P2RY8: variants seen among roughly 807,000 people sequenced by gnomAD.
P2RY8 encodes S-geranylgeranyl-glutathione receptor P2RY8.
Under a neutral mutation model 10.0 loss-of-function variants are expected in P2RY8, and 6 were observed. That is an observed-to-expected ratio of 0.60 (90% CI 0.33 to 1.19). P2RY8 has a LOEUF of 1.19. P2RY8 is among the 50% of genes most tolerant of loss of function. The pLI, the probability that P2RY8 is intolerant of heterozygous loss-of-function variation, is 0.04. For missense variants in P2RY8, 456 were observed against 542.0 expected, an observed-to-expected ratio of 0.84 and a Z score of 1.58; for synonymous variants, 276 against 252.5, an observed-to-expected ratio of 1.09 and a Z score of -0.88.
chrX:1,479,793 T>G (rs2091914402), intron 1 of P2RY8, among the ~76,000 whole-genome samples: 1 of 152,104 alleles, frequency 6.6e-6, no homozygotes, highest in Non-Finnish European at 1.5e-5. Context: ...TTACTAATAC[T>G]GTAAATGAAA....
intron 1 of P2RY8, among the ~76,000 whole-genome samples, chrX:1,508,024 G>A (rs1242198017): frequency 3.9e-5 from 6 of 152,066 alleles, no homozygotes; most frequent in Non-Finnish European, 8.8e-5. Flanking sequence ...CCCGTATGGC[G>A]TGTGCCTGAT....
Position 1,509,722 on chromosome X carries a change from C to CATCTATGTATCT in P2RY8, c.-25+27187_-25+27198dup, listed in dbSNP as rs1234847267. 9.2e-3 allele frequency among the ~76,000 whole-genome samples: 534 copies of CATCTATGTATCT among 58,174 alleles called. 13 individuals are homozygous for CATCTATGTATCT. Among genetic ancestry groups the CATCTATGTATCT allele is most frequent in the Middle Eastern group, 0.019 (2 of 104 alleles). The allele number at this position is 58,174 out of a possible 152,430, so 38.2% of individuals were successfully genotyped here. On this transcript the variant is annotated intron_variant, in intron 1 of 1. Coordinates refer to ENST00000381297, the MANE Select transcript of P2RY8 (RefSeq NM_178129.5). Reference sequence around the variant, plus strand: ...CATCCATCCATTTATTCTATCTATGCATCTATGTATCTATCTATGTATCTA... The same window carrying CATCTATGTATCT: ...CATCCATCCATTTATTCTATCTATGCATCTATGTATCTATCTATGTATCTATCTATGTATCTA...
At chrX:1,482,322 G>T (rs2091944303) in intron 1 of P2RY8, among the ~76,000 whole-genome samples, 1 of 151,240 alleles carries the variant, frequency 6.6e-6, no homozygotes, top group Admixed American at 6.6e-5. Context: ...CAAAGTGGTT[G>T]AGTGTGTGGC....
chrX:1,532,569 GA>G (rs1168350360), intron 1 of P2RY8, among the ~76,000 whole-genome samples: 1 of 151,778 alleles, frequency 6.6e-6, no homozygotes, highest in Non-Finnish European at 1.5e-5. Context: ...ACTCAGTCAT[GA>G]AAAAGAATAG....
chrX:1,524,538 C>T (rs1328086739), intron 1 of P2RY8, among the ~76,000 whole-genome samples: 1 of 124,704 alleles, frequency 8.0e-6, no homozygotes, highest in African/African-American at 3.0e-5. Flanking sequence ...TTCATCCATC[C>T]ATCCATCCAT....
intron 1 of P2RY8, among the ~76,000 whole-genome samples, chrX:1,502,202 C>T (rs1482945124): frequency 4.6e-5 from 7 of 152,192 alleles, no homozygotes; most frequent in Non-Finnish European, 7.3e-5. Flanking sequence ...TGAGCCACCA[C>T]GCCTGGCCTC....
intron 1 of P2RY8, among the ~76,000 whole-genome samples, chrX:1,528,661 G>A (rs1401662800): frequency 1.3e-5 from 2 of 152,118 alleles, no homozygotes; most frequent in Admixed American, 1.3e-4. Context: ...AATGCGTGTG[G>A]GTTTGAGCCT....
intron 1 of P2RY8, among the ~76,000 whole-genome samples, chrX:1,471,281 T>A (rs1309760417): frequency 6.9e-6 from 1 of 144,476 alleles, no homozygotes; most frequent in East Asian, 2.1e-4. Flanking sequence ...GTGCTGGGAC[T>A]ACAGACGTGA....
intron 1 of P2RY8, among the ~76,000 whole-genome samples, chrX:1,489,197 C>T (rs188947927): frequency 6.7e-4 from 101 of 151,750 alleles, no homozygotes; most frequent in Admixed American, 1.5e-3. Context: ...GGATTCACTT[C>T]GGCAAATGTA....
rs751265227 is a variant in P2RY8, at chrX:1,463,604, G to A, written c.*1875C>T. 3.0e-5 allele frequency: 7 copies of A among 232,816 alleles called. No homozygotes were observed. Among genetic ancestry groups the A allele is most frequent in the East Asian group, 1.8e-4 (3 of 16,538 alleles). The allele number at this position is 232,816 out of a possible 1,614,324, so 14.4% of individuals were successfully genotyped here. ...TACACATGCAAAGTTCCTTATTACC[G>A]AATAAAATCTATAATAATTTCAGGT... On this transcript the variant is annotated 3_prime_UTR_variant, in exon 2 of 2. Transcript: ENST00000381297.
intron 1 of P2RY8, among the ~76,000 whole-genome samples, chrX:1,512,508 T>G (rs756236029): frequency 3.5e-4 from 50 of 141,564 alleles, no homozygotes; most frequent in Middle Eastern, 4.1e-3. Flanking sequence ...GATCATGCCA[T>G]TGCACTCCAG....
At chrX:1,529,522 T>A (rs2092459405) in intron 1 of P2RY8, among the ~76,000 whole-genome samples, 1 of 151,938 alleles carries the variant, frequency 6.6e-6, no homozygotes, top group Admixed American at 6.6e-5. Context: ...TGGGGCGTGG[T>A]GGGTGGAGCC....
intron 1 of P2RY8, among the ~76,000 whole-genome samples, chrX:1,492,453 C>G (rs2092062958): frequency 1.3e-5 from 2 of 152,106 alleles, no homozygotes. Flanking sequence ...GACCCTCTTT[C>G]CATCCCTATA....
At position 1,464,897 on chromosome X, in the gene P2RY8, A is replaced by C. The variant is rs1366521307; in HGVS notation, c.*582T>G. ...CAGCAACCACAGTGCCCCTGAGTGA[A>C]ATAAACAGAAATTTCGGCGTGCACC... On this transcript the variant is annotated 3_prime_UTR_variant, in exon 2 of 2. Transcript: ENST00000381297. 1.7e-5 allele frequency: 4 copies of C among 234,616 alleles called. No individual in the cohort carries two copies. The East Asian group carries it at 2.4e-4, about 14-fold the overall frequency. The allele number at this position is 234,616 out of a possible 1,614,324, so 14.5% of individuals were successfully genotyped here.
chrX:1,482,366 A>G (rs1488538634), intron 1 of P2RY8, among the ~76,000 whole-genome samples: 2 of 151,840 alleles, frequency 1.3e-5, no homozygotes, highest in Non-Finnish European at 2.9e-5. Context: ...GTGTGGAAAT[A>G]GCACGTATGC....
intron 1 of P2RY8, among the ~76,000 whole-genome samples, chrX:1,528,559 G>T (rs1736955767): frequency 6.6e-6 from 1 of 152,232 alleles, no homozygotes; most frequent in Admixed American, 6.5e-5. Context: ...CAAGAGGCTG[G>T]CTCTGGTCTT....
intron 1 of P2RY8, among the ~76,000 whole-genome samples, chrX:1,497,229 A>G (rs1167363351): frequency 8.6e-6 from 1 of 116,800 alleles, no homozygotes; most frequent in East Asian, 2.4e-4. Flanking sequence ...CTCAAAAAAA[A>G]AAAAAAAGAA....
rs1251799177 is a variant in P2RY8, at chrX:1,478,773, C to T, written c.-24-12191G>A. Among the ~76,000 whole-genome samples the T allele has an allele frequency of 4.6e-5, 7 of 151,962 alleles. No homozygotes were observed. The East Asian group carries it at 5.8e-4, about 13-fold the overall frequency. ...GATTGCAGGTGTGAGCCACTGCTCCCGGTACAGGTATCTTTTTATGTGAAC... is the reference window on the plus strand; with the variant it reads ...GATTGCAGGTGTGAGCCACTGCTCCTGGTACAGGTATCTTTTTATGTGAAC... On this transcript the variant is annotated intron_variant, in intron 1 of 1. Coordinates refer to ENST00000381297, the MANE Select transcript of P2RY8 (RefSeq NM_178129.5).
chrX:1,521,129 G>T (rs1275902637), intron 1 of P2RY8, among the ~76,000 whole-genome samples: 5 of 147,154 alleles, frequency 3.4e-5, no homozygotes, highest in African/African-American at 1.3e-4. Flanking sequence ...CCAACTCTCT[G>T]GTTCAAGGGA....
Sources: gnomAD v4.1 joint callset for allele counts (sites outside exome capture counted in the v4.1 genomes callset) on GRCh38, gnomAD v4.1.1 for gene constraint, MANE v1.5 for transcripts, NCBI Gene and HGNC (gene_info 2026-07-23, HGNC 2026-07-21) for gene names.